Variants in DHX38 observed in about 807,000 individuals in gnomAD.
DHX38 encodes the protein pre-mRNA-splicing factor ATP-dependent RNA helicase PRP16.
A neutral mutation model predicts 153.1 loss-of-function variants in DHX38; 100 were observed. The ratio of observed to expected loss-of-function variants is 0.65; its 90% confidence interval spans 0.56 to 0.77. The LOEUF is 0.77. Among genes scored for constraint, DHX38 ranks in the 30% least tolerant of loss-of-function variants. The pLI is 0.00. For synonymous variants in DHX38, 650 were observed against 631.7 expected, an observed-to-expected ratio of 1.03 and a Z score of -0.43; for missense variants, 1,440 against 1,654.0, an observed-to-expected ratio of 0.87 and a Z score of 2.24.
In DHX38 at chr16:72,097,859, A is replaced by G. The variant is rs2042043382; in HGVS notation, c.616+78A>G. ...GTGAGTGACTCTCGTCTTCAGTGAG[A>G]TTGCTGAGGCATTGAGTCAGAATTC... On this transcript the variant is annotated intron_variant, in intron 4 of 26. Coordinates refer to ENST00000268482, the MANE Select transcript of DHX38 (RefSeq NM_014003.4). 3.0e-6 allele frequency: 4 copies of G among 1,335,416 alleles called. No homozygotes were observed. The Admixed American group carries it at 7.8e-5, about 26-fold the overall frequency. 82.7% of individuals were successfully genotyped at this position (1,335,416 alleles called of 1,614,324 possible).
At chr16:72,103,865 G>A in intron 13 of DHX38, 77 bp downstream of exon 13, 1 of 1,600,172 alleles carries the variant, frequency 6.2e-7, no homozygotes, top group Non-Finnish European at 8.6e-7. Context: ...GGTGTGATCT[G>A]CTAAGACTCG....
rs773249788 is a variant in DHX38, at chr16:72,107,944, G to C, written c.2964+145G>C. 1.6e-6 allele frequency: 2 copies of C among 1,275,994 alleles called. No individual in the cohort carries two copies. Among genetic ancestry groups the C allele is most frequent in the Non-Finnish European group, 2.1e-6 (2 of 946,934 alleles). 79.0% of individuals were successfully genotyped at this position (1,275,994 alleles called of 1,614,324 possible). A position where few individuals can be genotyped will look rare whatever the true frequency, so the allele number is the denominator to read the frequency against. On this transcript the variant is annotated intron_variant, in intron 21 of 26. Transcript: ENST00000268482. This position sits in a 1 kb window ranked among gnomAD's most constrained non-coding sequence, Gnocchi z 5.3. ...GATTTTGCTGTTCTCGGTTAAGCAG[G>C]TTGGGGTAGGGGAAAGGAAGGGCTG...
intron 17 of DHX38, 54 bp from the exon 18 acceptor site, chr16:72,105,463 A>C: frequency 6.2e-7 from 1 of 1,608,144 alleles, no homozygotes; most frequent in East Asian, 2.2e-5. Flanking sequence ...CCCCTCGCGG[A>C]GCCTTTCCTG....
chr16:72,109,311 G>T lies in DHX38; in HGVS notation c.3382-104G>T, dbSNP rs1261200616. On this transcript the variant is annotated intron_variant, in intron 24 of 26. Coordinates refer to ENST00000268482, the MANE Select transcript of DHX38 (RefSeq NM_014003.4). ...TCCTTTCCTTTTTTCAGCCTTGCAG[G>T]GCCAGGGATTGGGCCCTTCCCATGT... The T allele has an allele frequency of 1.3e-5, 16 of 1,277,056 alleles. No individual in the cohort carries two copies. The East Asian group carries it at 3.8e-4, about 31-fold the overall frequency. 79.1% of individuals were successfully genotyped at this position (1,277,056 alleles called of 1,614,324 possible). A position where few individuals can be genotyped will look rare whatever the true frequency, so the allele number is the denominator to read the frequency against.
At chr16:72,109,346 T>C (rs534414801) in intron 24 of DHX38, 69 bp from the exon 25 acceptor site, 5 of 1,542,100 alleles carry the variant, frequency 3.2e-6, no homozygotes, top group Admixed American at 1.8e-5. Flanking sequence ...TGGCTCCTAA[T>C]TGTGGAACCA....
Position 72,108,096 on chromosome 16 carries a change from T to C in DHX38, c.2965-131T>C, listed in dbSNP as rs1319180828. 3 of 1,136,494 alleles carry C rather than the reference T, an allele frequency of 2.6e-6. No homozygotes were observed. The African/African-American group carries it at 4.7e-5, about 18-fold the overall frequency. The allele number at this position is 1,136,494 out of a possible 1,614,324, so 70.4% of individuals were successfully genotyped here. On this transcript the variant is annotated intron_variant, in intron 21 of 26. Transcript: ENST00000268482. ...AAAAATTATTTTAATTTTTCTCAAA[T>C]TGTCAGGGCAACCTATTGACATGTT... is the stretch of plus-strand genomic sequence containing the variant.
Position 72,112,678 on chromosome 16 carries a change from C to CCGTGCTCCTGCATGGA in DHX38, c.*181_*182insCGTGCTCCTGCATGGA. ...GCAGAGGAGGTGGAGTTCTTCCATG[C>CCGTGCTCCTGCATGGA]AGGAGCACGGCATGGCGGGAGCGGG... On this transcript the variant is annotated 3_prime_UTR_variant, in exon 27 of 27. Transcript: ENST00000268482. 1.4e-6 allele frequency: 1 copy of CCGTGCTCCTGCATGGA among 736,882 alleles called. No homozygotes were observed. Among genetic ancestry groups the CCGTGCTCCTGCATGGA allele is most frequent in the Non-Finnish European group, 2.4e-6 (1 of 416,096 alleles). The allele number at this position is 736,882 out of a possible 1,614,324, so 45.6% of individuals were successfully genotyped here.
At chr16:72,095,792 C>T (rs2042006024) in intron 1 of DHX38, among the ~76,000 whole-genome samples, 1 of 152,192 alleles carries the variant, frequency 6.6e-6, no homozygotes, top group Admixed American at 6.5e-5. Context: ...GTTTTCCCTA[C>T]ATCCCTGTTA....
rs1452759678 is a variant in DHX38 at position 72,103,981 on chromosome 16, A to G, written c.1860A>G (p.Ser620=). 2.5e-5 allele frequency: 41 copies of G among 1,614,014 alleles called. No homozygotes were observed. The highest frequency in any genetic ancestry group is 6.7e-5 in the East Asian group (3 of 44,880). The part of the protein sequence containing the change: ...GYAIRFEDCT[S]ENTLIKYMTD... ...CCATCCGCTTTGAAGACTGCACTTCAGAGAACACCTTGATCAAATACATGA... is the reference window on the plus strand; with the variant it reads ...CCATCCGCTTTGAAGACTGCACTTCGGAGAACACCTTGATCAAATACATGA... Residue 620 remains serine, a synonymous_variant, in exon 14 of 27, where the codon TCA becomes TCG. Transcript: ENST00000268482.
At chr16:72,108,996 G>A (rs9926156) in intron 24 of DHX38, 71 bp downstream of exon 24, 12 of 1,517,640 alleles carry the variant, frequency 7.9e-6, no homozygotes, top group South Asian at 1.3e-5. Context: ...CCTTCACTGC[G>A]TTCTGGCATG....
rs2042094037 is a variant in DHX38, at chr16:72,101,129, C to G, written c.1322C>G (p.Ala441Gly). 1 of 1,614,118 alleles carries G rather than the reference C, an allele frequency of 6.2e-7. No individual in the cohort carries two copies. The highest frequency in any genetic ancestry group is 1.7e-5 in the Admixed American group (1 of 60,010). ...GTGAAGGATGCTACTTCTGACCTGGCCATCATTGCTCGGAAAGGCAGCCAG... is the reference window on the plus strand; with the variant it reads ...GTGAAGGATGCTACTTCTGACCTGGGCATCATTGCTCGGAAAGGCAGCCAG... ...IPVKDATSDL[A>G]IIARKGSQTV... is the part of the protein sequence containing the mutation. Residue 441 changes from alanine to glycine, a missense_variant, in exon 10 of 27, where the codon GCC becomes GGC. Transcript: ENST00000268482.
rs150592983 is a variant in DHX38 at position 72,096,333 on chromosome 16, G to A, written c.176G>A (p.Arg59Gln). ...LGLDLLASLK[R>Q]REREEKDDGE... ...CTGGACTTGCTGGCTTCCCTGAAAC[G>A]GAGAGAGCGAGAGGAGAAGGACGAT... The change falls in exon 2 of 27, where the codon CGG becomes CAG. Residue 59 changes from arginine to glutamine, a missense_variant. Arg to Gln is a conservative substitution (Grantham distance 43). Transcript: ENST00000268482. 32 of 1,614,180 alleles carry A rather than the reference G, an allele frequency of 2.0e-5. No individual in the cohort carries two copies. In the Admixed American group the frequency reaches 2.8e-4, roughly 14 times the overall value.
chr16:72,101,751 C>G, intron 11 of DHX38, 139 bp downstream of exon 11: 1 of 653,426 alleles, frequency 1.5e-6, no homozygotes, highest in South Asian at 1.9e-5. Context: ...TCCATTCTCT[C>G]TGGTCCCTTC....
intron 1 of DHX38, among the ~76,000 whole-genome samples, chr16:72,094,767 A>G (rs895425761): frequency 6.6e-6 from 1 of 152,174 alleles, no homozygotes; most frequent in Non-Finnish European, 1.5e-5. Context: ...AAATTAATTC[A>G]TTTTTTAATT....
In DHX38 at chr16:72,106,943, G is replaced by A. The variant is rs1378722691; in HGVS notation, c.2601-397G>A. On this transcript the variant is annotated intron_variant, in intron 19 of 26. Coordinates refer to ENST00000268482, the MANE Select transcript of DHX38 (RefSeq NM_014003.4). ...CCTGGCACTTTGGGAGGCCGAGGCG[G>A]GCCGATCACAAGGTCAGGAGTTTGA... 4.3e-4 allele frequency among the ~76,000 whole-genome samples: 65 copies of A among 152,122 alleles called. 1 individual carries two copies. The highest frequency in any genetic ancestry group is 4.3e-3 in the Admixed American group (65 of 15,278).
At chr16:72,103,874 C>G in intron 13 of DHX38, 72 bp from the exon 14 acceptor site, 8 of 1,601,402 alleles carry the variant, frequency 5.0e-6, no homozygotes, top group South Asian at 1.1e-5. Context: ...TGCTAAGACT[C>G]GGACCCCAGT....
rs2042041329 is a variant in DHX38, at chr16:72,097,751, G to A, written c.586G>A (p.Glu196Lys). ...GGSERSSRRN[E>K]PESPRHRPKD... ...GTCAGAGCGTAGCAGCAGAAGAAAT[G>A]AACCCGAGAGCCCACGACATCGACC... The change falls in exon 4 of 27, where the codon GAA becomes AAA. Residue 196 changes from glutamate (E) to lysine (K), a missense_variant. Physicochemically the swap from Glu to Lys is moderately conservative, Grantham distance 56 (BLOSUM62 1). Around this residue, in one of 6 missense-constraint regions of DHX38, gnomAD observed 483 missense variants for 465.1 expected, o/e 1.04. Coordinates refer to ENST00000268482, the MANE Select transcript of DHX38 (RefSeq NM_014003.4). The A allele has an allele frequency of 6.2e-7, 1 of 1,613,882 alleles. No individual in the cohort carries two copies. The highest frequency in any genetic ancestry group is 1.3e-5 in the African/African-American group (1 of 74,948).
At chr16:72,096,082 G>C (rs2144128174) in intron 1 of DHX38, 57 bp from the exon 2 acceptor site, 1 of 1,494,786 alleles carries the variant, frequency 6.7e-7, no homozygotes, top group Non-Finnish European at 9.0e-7. Context: ...TGCATTTATT[G>C]TGGGATATAG....
In DHX38 at chr16:72,106,040, G is replaced by C. The variant is rs779137432; in HGVS notation, c.2523G>C (p.Gln841His). 3 of 1,614,126 alleles carry C rather than the reference G, an allele frequency of 1.9e-6. No homozygotes were observed. Among genetic ancestry groups the C allele is most frequent in the Non-Finnish European group, 2.5e-6 (3 of 1,180,060 alleles). ...CCAGGATTGGCATGGATGCTCTGCA[G>C]ATCTATCCCATTAGCCAGGCCAATG... Reference protein sequence around the residue: ...FNPRIGMDALQIYPISQANAN... With the variant: ...FNPRIGMDALHIYPISQANAN... Residue 841 changes from glutamine (Q) to histidine (H), a missense_variant, in exon 19 of 27, where the codon CAG (glutamine) becomes CAC (histidine). Gln to His is a conservative substitution (Grantham distance 24, BLOSUM62 0). This residue lies in a region of DHX38 where 543 missense variants were observed against 717.9 expected (regional missense o/e 0.76). Transcript: ENST00000268482.
Sources: allele counts gnomAD v4.1 joint callset (sites outside exome capture counted in the v4.1 genomes callset), GRCh38; gene constraint gnomAD v4.1.1; regional missense constraint gnomAD v4.1.1; non-coding constraint Gnocchi (gnomAD v3.1); transcripts MANE v1.5; gene names NCBI Gene and HGNC (gene_info 2026-07-23, HGNC 2026-07-21).